The following EPHA1 variants were observed in gnomAD, a reference collection of about 807,000 sequenced individuals.
EPHA1 encodes ephrin type-A receptor 1.
Under a neutral mutation model 110.1 loss-of-function variants are expected in EPHA1, and 92 were observed. The observed-to-expected ratio is 0.84, with a 90% CI of 0.71 to 0.99. EPHA1 has a LOEUF of 0.99. EPHA1 is among the 50% of genes least tolerant of loss of function. The pLI is 0.00. For missense variants in EPHA1, 1,204 were observed against 1,285.4 expected (o/e 0.94, Z 0.97); for synonymous variants, 500 against 516.1 (o/e 0.97, Z 0.42).
In EPHA1 at chr7:143,391,552, G is replaced by T. The variant is rs751495235; in HGVS notation, c.2853-17C>A. The T allele has an allele frequency of 1.9e-6, 3 of 1,614,186 alleles. No individual in the cohort carries two copies. The highest frequency in any genetic ancestry group is 3.3e-5 in the Admixed American group (2 of 60,030). On this transcript the variant is annotated splice_polypyrimidine_tract_variant and intron_variant, in intron 17 of 17. Transcript: ENST00000275815. ...GTCAGGTCCCTGTGGGCAAGGAAGG[G>T]TGGGGGCATGAGTCCGGAGGCTCCA...
chr7:143,395,305 A>C lies in EPHA1; in HGVS notation c.2083+14T>G. On this transcript the variant is annotated intron_variant, in intron 12 of 17. Transcript: ENST00000275815. The surrounding 1 kb of genome is among the most constrained non-coding windows in gnomAD (Gnocchi z 4.7). ...CATTTCCCGCCCCCAGCTGAGGGAG[A>C]CCACTCATCGTACGCTTTGTGACGA... 6.2e-7 allele frequency: 1 copy of C among 1,614,048 alleles called. No individual in the cohort carries two copies. The highest frequency in any genetic ancestry group is 8.5e-7 in the Non-Finnish European group (1 of 1,179,998).
chr7:143,408,852 G>C lies in EPHA1; in HGVS notation c.-47C>G. 1 of 1,062,206 alleles carries C rather than the reference G, an allele frequency of 9.4e-7. No homozygotes were observed. The highest frequency in any genetic ancestry group is 1.1e-6 in the Non-Finnish European group (1 of 881,746). 65.8% of individuals were successfully genotyped at this position (1,062,206 alleles called of 1,614,324 possible). ...ACAGTGGCCCGGATGGCAGCGCCAG[G>C]TTGCAAGGGACTAGGAGAGCCGGGC... is the stretch of plus-strand genomic sequence containing the variant. On this transcript the variant is annotated 5_prime_UTR_variant, in exon 1 of 18. Transcript: ENST00000275815.
chr7:143,391,684 A>G lies in EPHA1; in HGVS notation c.2788T>C (p.Tyr930His). The G allele has an allele frequency of 6.2e-7, 1 of 1,614,084 alleles. No homozygotes were observed. The highest frequency in any genetic ancestry group is 8.5e-7 in the Non-Finnish European group (1 of 1,180,022). ...EWLESIRMKR[Y>H]ILHFHSAGLD... ...CCAGCCGAGTGGAAGTGCAGGATGTAGCGTTTCATGCGTATGGACTCGAGC... is the reference window on the plus strand; with the variant it reads ...CCAGCCGAGTGGAAGTGCAGGATGTGGCGTTTCATGCGTATGGACTCGAGC... Residue 930 changes from tyrosine to histidine, a missense_variant, in exon 17 of 18, where the codon TAC becomes CAC. Tyr to His is a moderately conservative substitution (Grantham distance 83). Coordinates refer to ENST00000275815, the MANE Select transcript of EPHA1 (RefSeq NM_005232.5).
At chr7:143,391,920 T>A in intron 16 of EPHA1, 145 bp from the exon 17 acceptor site, 1 of 1,446,282 alleles carries the variant, frequency 6.9e-7, no homozygotes, top group South Asian at 1.4e-5. Context: ...CCATTATCTC[T>A]GAGCCCACTT....
Position 143,395,521 on chromosome 7 carries a change from C to T in EPHA1, c.1898-17G>A. 1.2e-6 allele frequency: 2 copies of T among 1,612,518 alleles called. No homozygotes were observed. Among genetic ancestry groups the T allele is most frequent in the Non-Finnish European group, 1.7e-6 (2 of 1,179,252 alleles). ...CAAACTCTCCTGGGTAGAAAGAAAA[C>T]AGGCTGTGGCCCGATGCACTGCAGG... On this transcript the variant is annotated splice_polypyrimidine_tract_variant and intron_variant, in intron 11 of 17. Transcript: ENST00000275815. This position sits in a 1 kb window ranked among gnomAD's most constrained non-coding sequence, Gnocchi z 4.7.
intron 5 of EPHA1, 141 bp from the exon 6 acceptor site, chr7:143,399,086 A>T (rs1457365886): frequency 1.6e-6 from 2 of 1,216,498 alleles, no homozygotes; most frequent in Non-Finnish European, 2.3e-6. Context: ...GTTTGACTAC[A>T]TCTCTGCATT....
rs1367818718 is a variant in EPHA1 at position 143,391,292 on chromosome 7, G to C, written c.*165C>G. On this transcript the variant is annotated 3_prime_UTR_variant, in exon 18 of 18. Coordinates refer to ENST00000275815, the MANE Select transcript of EPHA1 (RefSeq NM_005232.5). The stretch of plus-strand genomic sequence containing the variant: ...ACCCCCACCTCCCTTTTAAAACAAA[G>C]AGGTTTTCTGGGGTGCAGAGCAGGG... 1 of 770,274 alleles carries C rather than the reference G, an allele frequency of 1.3e-6. No homozygotes were observed. 47.7% of individuals were successfully genotyped at this position (770,274 alleles called of 1,614,324 possible).
rs190447045 is a variant in EPHA1 at position 143,393,500 on chromosome 7, C to T, written c.2696+171G>A. Reference sequence around the variant, plus strand: ...CCATAACTGATTTTCTGCAAATATGCATAATCTAAAGCTGACCTCTTGGAC... The same window carrying T: ...CCATAACTGATTTTCTGCAAATATGTATAATCTAAAGCTGACCTCTTGGAC... On this transcript the variant is annotated intron_variant, in intron 16 of 17. Transcript: ENST00000275815. This position sits in a 1 kb window ranked among gnomAD's most constrained non-coding sequence, Gnocchi z 5.6. Among the ~76,000 whole-genome samples the T allele has an allele frequency of 2.5e-4, 38 of 152,282 alleles. No homozygotes were observed. The highest frequency in any genetic ancestry group is 3.4e-3 in the Middle Eastern group (1 of 294).
chr7:143,391,437 G>T lies in EPHA1; in HGVS notation c.*20C>A. 6.2e-7 allele frequency: 1 copy of T among 1,613,688 alleles called. No homozygotes were observed. The highest frequency in any genetic ancestry group is 8.5e-7 in the Non-Finnish European group (1 of 1,179,784). Reference sequence around the variant, plus strand: ...TCCTTGCTCCTTGCACCCTGATTGGGCATGGGGTGAGAGGAGGGATCAGTC... The same window carrying T: ...TCCTTGCTCCTTGCACCCTGATTGGTCATGGGGTGAGAGGAGGGATCAGTC... On this transcript the variant is annotated 3_prime_UTR_variant, in exon 18 of 18. Coordinates refer to ENST00000275815, the MANE Select transcript of EPHA1 (RefSeq NM_005232.5).
rs762781363 is a variant in EPHA1, at chr7:143,391,624, C to G, written c.2848G>C (p.Ala950Pro). 7 of 1,614,048 alleles carry G rather than the reference C, an allele frequency of 4.3e-6. No individual in the cohort carries two copies. The East Asian group carries it at 1.3e-4, about 31-fold the overall frequency. The change falls in exon 17 of 18, where the codon GCT becomes CCT. Residue 950 changes from alanine (A) to proline (P), a missense_variant. Physicochemically the swap from Ala to Pro is conservative, Grantham distance 27. Transcript: ENST00000275815. Reference protein sequence around the residue: ...DTMECVLELTAEDLTQMGITL... With the variant: ...DTMECVLELTPEDLTQMGITL... ...CAGACAGCTCCAGCTCCTTACTCAG[C>G]GGTCAGCTCCAGCACACACTCCATG...
rs781323096 is a variant in EPHA1 at position 143,394,279 on chromosome 7, G to A, written c.2417C>T (p.Ala806Val). ...EAIAHRIFTTASDVWSFGIVM... is the reference protein window; with the variant it reads ...EAIAHRIFTTVSDVWSFGIVM... ...AATCCCAAAGCTCCACACATCGCTG[G>A]CTGTGGTGAAGATCCGATGGGCAAT... The change falls in exon 15 of 18, where the codon GCC becomes GTC. Residue 806 changes from alanine to valine, a missense_variant. Ala to Val is a moderately conservative substitution (Grantham distance 64). Coordinates refer to ENST00000275815, the MANE Select transcript of EPHA1 (RefSeq NM_005232.5). The A allele has an allele frequency of 2.5e-6, 4 of 1,614,118 alleles. No homozygotes were observed. In the South Asian group the frequency reaches 4.4e-5, roughly 18 times the overall value.
At chr7:143,403,219 A>C (rs1341125125) in intron 2 of EPHA1, among the ~76,000 whole-genome samples, 1 of 152,114 alleles carries the variant, frequency 6.6e-6, no homozygotes, top group African/African-American at 2.4e-5. Flanking sequence ...AAATACAAAA[A>C]AATTAGCTGG....
Position 143,399,935 on chromosome 7 carries a change from G to A in EPHA1, c.551C>T (p.Ala184Val), listed in dbSNP as rs1805372845. 2 of 1,613,732 alleles carry A rather than the reference G, an allele frequency of 1.2e-6. No homozygotes were observed. The highest frequency in any genetic ancestry group is 1.7e-5 in the Admixed American group (1 of 59,988). The change falls in exon 4 of 18, where the codon GCT becomes GTT. Residue 184 changes from alanine to valine, a missense_variant. By Grantham distance (64) the Ala-to-Val change is moderately conservative. Coordinates refer to ENST00000275815, the MANE Select transcript of EPHA1 (RefSeq NM_005232.5). ...GRLTRRGLYL[A>V]FHNPGACVAL... is the part of the protein sequence containing the mutation. ...CACACAGGCACCCGGGTTGTGGAAA[G>A]CGAGGTAGAGGCCACGGCGGGTCAG...
Position 143,391,443 on chromosome 7 carries a change from G to A in EPHA1, c.*14C>T. The A allele has an allele frequency of 6.2e-7, 1 of 1,613,952 alleles. No individual in the cohort carries two copies. The highest frequency in any genetic ancestry group is 8.5e-7 in the Non-Finnish European group (1 of 1,179,942). On this transcript the variant is annotated 3_prime_UTR_variant, in exon 18 of 18. Coordinates refer to ENST00000275815, the MANE Select transcript of EPHA1 (RefSeq NM_005232.5). ...CTCCTTGCACCCTGATTGGGCATGG[G>A]GTGAGAGGAGGGATCAGTCCTTGAA... is the stretch of plus-strand genomic sequence containing the variant.
intron 2 of EPHA1, among the ~76,000 whole-genome samples, chr7:143,405,764 G>A (rs930524297): frequency 6.6e-6 from 1 of 152,168 alleles, no homozygotes; most frequent in Non-Finnish European, 1.5e-5. Flanking sequence ...GATCCACTAT[G>A]GTTTAGTCTA....
chr7:143,396,109 CAG>C (rs1805237077), intron 11 of EPHA1, among the ~76,000 whole-genome samples: 1 of 152,236 alleles, frequency 6.6e-6, no homozygotes. Flanking sequence ...TGGATGAAAA[CAG>C]TGTATTTAAT....
chr7:143,396,010 G>A (rs1446190133), intron 11 of EPHA1, among the ~76,000 whole-genome samples: 1 of 152,226 alleles, frequency 6.6e-6, no homozygotes, highest in Non-Finnish European at 1.5e-5. Context: ...GGCCTCTGAT[G>A]GGGTGGAATG....
At chr7:143,391,872 CTG>C (rs1805097233) in intron 16 of EPHA1, 97 bp from the exon 17 acceptor site, 1 of 1,539,050 alleles carries the variant, frequency 6.5e-7, no homozygotes, top group African/African-American at 1.4e-5. Flanking sequence ...AGTTCGGTGT[CTG>C]GGCACAGAGA....
chr7:143,396,741 C>T, intron 10 of EPHA1: 1 of 473,796 alleles, frequency 2.1e-6, no homozygotes, highest in East Asian at 3.8e-5. Context: ...GGGGCGGTGG[C>T]CAGGATCCAC....
Sources: allele counts gnomAD v4.1 joint callset (sites outside exome capture counted in the v4.1 genomes callset), GRCh38; gene constraint gnomAD v4.1.1; non-coding constraint Gnocchi (gnomAD v3.1); transcripts MANE v1.5; gene names NCBI Gene and HGNC (gene_info 2026-07-23, HGNC 2026-07-21).